Variants in BACH2 observed in about 807,000 individuals in gnomAD.
The protein encoded by BACH2 is transcription regulator protein BACH2.
BACH2 carries 5 observed loss-of-function variants against 61.8 expected under a neutral mutation model. The ratio of observed to expected loss-of-function variants is 0.08; its 90% CI spans 0.04 to 0.17. The LOEUF (loss-of-function observed/expected upper bound fraction) is 0.17. Ranked by LOEUF, BACH2 falls within the 10% of genes least tolerant of loss-of-function variation. The pLI is 1.00. For synonymous variants in BACH2, 446 were observed against 440.1 expected (o/e 1.01, Z -0.17); for missense variants, 824 against 1,091.1 (o/e 0.76, Z 3.45).
intron 7 of BACH2, among the ~76,000 whole-genome samples, chr6:89,945,201 AAAC>A (rs1043840349): frequency 6.6e-6 from 1 of 152,236 alleles, no homozygotes; most frequent in Non-Finnish European, 1.5e-5. Context: ...CATGTCTTAA[AAAC>A]AACTTGTACT....
chr6:89,945,814 G>A (rs916093915), intron 7 of BACH2, among the ~76,000 whole-genome samples: 7 of 152,092 alleles, frequency 4.6e-5, no homozygotes, highest in Admixed American at 1.3e-4. Context: ...CCTCTCCAAC[G>A]GTGCTCCCAG....
At chr6:90,163,082 G>A (rs1324355788) in intron 4 of BACH2, among the ~76,000 whole-genome samples, 1 of 152,138 alleles carries the variant, frequency 6.6e-6, no homozygotes, top group African/African-American at 2.4e-5. Flanking sequence ...TCTCAATACA[G>A]TCAACTTCTC....
intron 1 of BACH2, among the ~76,000 whole-genome samples, chr6:90,292,724 A>G (rs550514121): frequency 1.3e-5 from 2 of 152,240 alleles, no homozygotes; most frequent in African/African-American, 4.8e-5. Context: ...TAAACAAAAA[A>G]AGATGTTTCA....
At chr6:90,107,881 C>T (rs1282416075) in intron 4 of BACH2, among the ~76,000 whole-genome samples, 2 of 152,072 alleles carry the variant, frequency 1.3e-5, no homozygotes, top group African/African-American at 4.8e-5. Context: ...AAGCAGTGGG[C>T]AGTCAGGGTG....
chr6:90,141,597 CA>C (rs1334168668), intron 4 of BACH2, among the ~76,000 whole-genome samples: 1 of 148,582 alleles, frequency 6.7e-6, no homozygotes, highest in Non-Finnish European at 1.5e-5. Flanking sequence ...TACAAAATAA[CA>C]AAACAAAACA....
At chr6:89,956,889 T>C (rs189427455) in intron 6 of BACH2, among the ~76,000 whole-genome samples, 66 of 152,282 alleles carry the variant, frequency 4.3e-4, no homozygotes, top group African/African-American at 1.5e-3. Flanking sequence ...AGAAGGCTGA[T>C]CAGATGAATC....
At chr6:90,291,150 G>A (rs1772165142) in intron 1 of BACH2, among the ~76,000 whole-genome samples, 1 of 152,188 alleles carries the variant, frequency 6.6e-6, no homozygotes, top group South Asian at 2.1e-4. Context: ...GTCAACCAGG[G>A]AATATGCTGA....
At chr6:90,259,584 T>C (rs1330600534) in intron 2 of BACH2, among the ~76,000 whole-genome samples, 1 of 152,216 alleles carries the variant, frequency 6.6e-6, no homozygotes, top group African/African-American at 2.4e-5. Flanking sequence ...CCTGGCCTCA[T>C]AAAATGTGTT....
At chr6:90,085,767 C>T (rs1781908567) in intron 5 of BACH2, among the ~76,000 whole-genome samples, 1 of 152,176 alleles carries the variant, frequency 6.6e-6, no homozygotes, top group Non-Finnish European at 1.5e-5. Flanking sequence ...CCCTATCAAG[C>T]ACTAGCTAGT....
At chr6:89,960,172 C>A (rs1163591178) in intron 6 of BACH2, among the ~76,000 whole-genome samples, 1 of 152,168 alleles carries the variant, frequency 6.6e-6, no homozygotes, top group Non-Finnish European at 1.5e-5. Flanking sequence ...CTTTTCTGTT[C>A]TTCCAGTTTT....
chr6:90,203,626 G>A (rs1390582022), intron 4 of BACH2, among the ~76,000 whole-genome samples: 1 of 152,012 alleles, frequency 6.6e-6, no homozygotes, highest in Non-Finnish European at 1.5e-5. Flanking sequence ...AACCATTAAT[G>A]CCTGTTTACA....
intron 4 of BACH2, among the ~76,000 whole-genome samples, chr6:90,173,822 T>G (rs1009552435): frequency 6.6e-6 from 1 of 152,156 alleles, no homozygotes; most frequent in Non-Finnish European, 1.5e-5. Flanking sequence ...TTTGATCATA[T>G]GAAAATTATA....
chr6:89,975,286 A>G (rs1426282605), intron 6 of BACH2, among the ~76,000 whole-genome samples: 3 of 152,382 alleles, frequency 2.0e-5, no homozygotes, highest in Non-Finnish European at 2.9e-5. Context: ...TCTACTTGCT[A>G]GCAACTATCT....
At chr6:90,267,300 A>C (rs1264025040) in intron 2 of BACH2, among the ~76,000 whole-genome samples, 1 of 152,214 alleles carries the variant, frequency 6.6e-6, no homozygotes, top group Non-Finnish European at 1.5e-5. Context: ...AAGATCCAGC[A>C]GGCCCTTAAA....
intron 1 of BACH2, among the ~76,000 whole-genome samples, chr6:90,294,580 T>C (rs1772279272): frequency 6.6e-6 from 1 of 152,142 alleles, no homozygotes; most frequent in African/African-American, 2.4e-5. Context: ...AACGCAACAC[T>C]GTAATTTGGC....
chr6:90,145,113 G>A (rs1784574986), intron 4 of BACH2, among the ~76,000 whole-genome samples: 1 of 152,040 alleles, frequency 6.6e-6, no homozygotes, highest in African/African-American at 2.4e-5. Context: ...GGTAAGAAGA[G>A]ACTAAATCAG....
intron 3 of BACH2, among the ~76,000 whole-genome samples, chr6:90,250,902 C>T (rs1283025133): frequency 6.6e-6 from 1 of 152,080 alleles, no homozygotes; most frequent in Non-Finnish European, 1.5e-5. Flanking sequence ...TTAATCACAA[C>T]AACCTTAGCA....
At chr6:90,172,735 A>G (rs964461209) in intron 4 of BACH2, among the ~76,000 whole-genome samples, 2 of 152,184 alleles carry the variant, frequency 1.3e-5, no homozygotes, top group African/African-American at 4.8e-5. Context: ...ACATTCATTA[A>G]AGGTACTTCT....
rs540234368 is a variant in BACH2, at chr6:89,966,267, A to T, written c.244-14405T>A. ...AAGCTGTACAGTAAGCTGGGATAAA[A>T]ATCATACATGGAAACCAGACTTTTT... On this transcript the variant is annotated intron_variant, in intron 6 of 8. Transcript: ENST00000257749. Among the ~76,000 whole-genome samples, 9 of 152,340 alleles carry T rather than the reference A, an allele frequency of 5.9e-5. No individual in the cohort carries two copies. The South Asian group carries it at 1.7e-3, about 28-fold the overall frequency.
Sources: allele counts gnomAD v4.1 joint callset (sites outside exome capture counted in the v4.1 genomes callset), GRCh38; gene constraint gnomAD v4.1.1; transcripts MANE v1.5; gene names NCBI Gene and HGNC (gene_info 2026-07-23, HGNC 2026-07-21).